Variants in MYT1L observed in about 807,000 individuals in gnomAD.
The protein encoded by MYT1L is myelin transcription factor 1 like, also known as myelin transcription factor 1-like protein.
In MYT1L, 12 loss-of-function variants were observed where a neutral mutation model predicts 126.7. The observed-to-expected ratio is 0.09, with a 90% CI of 0.06 to 0.15. The LOEUF (loss-of-function observed/expected upper bound fraction) is 0.15. Ranked by LOEUF, MYT1L falls within the 10% of genes least tolerant of loss-of-function variation. The pLI, the probability that MYT1L is intolerant of heterozygous loss-of-function variation, is 1.00. For synonymous variants in MYT1L, 541 were observed against 604.2 expected, an observed-to-expected ratio of 0.90 and a Z score of 1.53; for missense variants, 979 against 1,585.2, an observed-to-expected ratio of 0.62 and a Z score of 6.49.
intron 11 of MYT1L, among the ~76,000 whole-genome samples, chr2:1,914,218 C>T (rs535706296): frequency 9.9e-5 from 15 of 152,050 alleles, no homozygotes; most frequent in African/African-American, 3.6e-4. Flanking sequence ...TACGCCATTG[C>T]ACTCCAGCCT....
intron 2 of MYT1L, among the ~76,000 whole-genome samples, chr2:2,213,153 G>A (rs769078349): frequency 1.4e-4 from 21 of 152,112 alleles, no homozygotes; most frequent in Non-Finnish European, 2.9e-4. Flanking sequence ...AATGCAAACG[G>A]ACAAATACAA....
intron 3 of MYT1L, among the ~76,000 whole-genome samples, chr2:2,127,789 C>T (rs1056327156): frequency 2.0e-5 from 3 of 152,120 alleles, no homozygotes; most frequent in African/African-American, 7.2e-5. Flanking sequence ...AAGGCTCCTC[C>T]CAGAATCACA....
intron 2 of MYT1L, among the ~76,000 whole-genome samples, chr2:2,267,843 T>C (rs1331975631): frequency 1.3e-5 from 2 of 151,504 alleles, no homozygotes; most frequent in Non-Finnish European, 2.9e-5. Flanking sequence ...ATGGACACCA[T>C]CCTTAAGGCA....
Position 1,923,112 on chromosome 2 carries a change from G to A in MYT1L, c.657C>T (p.Ala219=), listed in dbSNP as rs370129180. Residue 219 remains alanine, a synonymous_variant, in exon 10 of 25, where the codon GCC becomes GCT. Transcript: ENST00000647738. ...TGCTGTTCATTTCTGACTCAGTCCTGGCCCGGTAGGCTGCATCCTCAGCGA... is the reference window on the plus strand; with the variant it reads ...TGCTGTTCATTTCTGACTCAGTCCTAGCCCGGTAGGCTGCATCCTCAGCGA... The part of the protein sequence containing the change: ...GKIAEDAAYR[A]RTESEMNSNT... 1,420 of 1,613,854 alleles carry A rather than the reference G, an allele frequency of 8.8e-4. 1 individual carries two copies. The highest frequency in any genetic ancestry group is 1.1e-3 in the Non-Finnish European group (1,339 of 1,179,910).
At chr2:2,297,501 C>T (rs1425813061) in intron 1 of MYT1L, among the ~76,000 whole-genome samples, 1 of 152,164 alleles carries the variant, frequency 6.6e-6, no homozygotes, top group Non-Finnish European at 1.5e-5. Flanking sequence ...CAAATACATG[C>T]TTTTCTGCAG....
At chr2:1,803,145 G>A (rs1210636502) in intron 22 of MYT1L, among the ~76,000 whole-genome samples, 2 of 151,654 alleles carry the variant, frequency 1.3e-5, no homozygotes, top group Non-Finnish European at 2.9e-5. Flanking sequence ...GGCTTTTAGT[G>A]AAACGAAAAA....
At chr2:1,866,006 T>C (rs2045410038) in intron 18 of MYT1L, among the ~76,000 whole-genome samples, 1 of 152,160 alleles carries the variant, frequency 6.6e-6, no homozygotes, top group Non-Finnish European at 1.5e-5. Context: ...GCACTGGGTT[T>C]AGCCTCCGAG....
intron 1 of MYT1L, among the ~76,000 whole-genome samples, chr2:2,295,661 GACAGAGAGAGAGAGAGAGACAGAC>G: frequency 6.9e-6 from 1 of 145,876 alleles, no homozygotes. Flanking sequence ...GAGACAGACA[GACAGAGAGAGAGAGAGAGACAGAC>G]AGAGAGAGAG....
chr2:2,318,939 A>G (rs1025761929), intron 1 of MYT1L, among the ~76,000 whole-genome samples: 6 of 152,232 alleles, frequency 3.9e-5, no homozygotes, highest in Admixed American at 3.3e-4. Flanking sequence ...ACAGGGAGTA[A>G]TGGCAAAATT....
At chr2:2,252,764 C>A (rs912570349) in intron 2 of MYT1L, among the ~76,000 whole-genome samples, 2 of 152,150 alleles carry the variant, frequency 1.3e-5, no homozygotes, top group Admixed American at 6.5e-5. Flanking sequence ...TCACCTCCCC[C>A]ACGAAAAGCA....
At chr2:2,216,579 A>G (rs966550609) in intron 2 of MYT1L, among the ~76,000 whole-genome samples, 5 of 152,354 alleles carry the variant, frequency 3.3e-5, no homozygotes, top group South Asian at 2.1e-4. Flanking sequence ...ACAAGTATCA[A>G]TGACTTCAGC....
chr2:2,003,975 A>AGGCGTTCTTTCCTGCATGCG (rs2062711719), intron 4 of MYT1L, among the ~76,000 whole-genome samples: 1 of 132,070 alleles, frequency 7.6e-6, no homozygotes, highest in Non-Finnish European at 1.7e-5. Context: ...TCCTGCAGGC[A>AGGCGTTCTTTCCTGCATGCG]TTCTTTCCTG....
intron 2 of MYT1L, among the ~76,000 whole-genome samples, chr2:2,275,153 G>T (rs2149364038): frequency 6.6e-6 from 1 of 151,276 alleles, no homozygotes; most frequent in East Asian, 1.9e-4. Flanking sequence ...AGGATAAATG[G>T]GTAGACATGT....
rs1475151538 is a variant in MYT1L, at chr2:2,261,149, G to A, written c.-421+23255C>T. Among the ~76,000 whole-genome samples, 3 of 151,108 alleles carry A rather than the reference G, an allele frequency of 2.0e-5. No individual in the cohort carries two copies. The East Asian group carries it at 5.8e-4, about 29-fold the overall frequency. On this transcript the variant is annotated intron_variant, in intron 2 of 24. Transcript: ENST00000647738. Reference sequence around the variant, plus strand: ...TGCATGTGTGTGTGAGTGCGTGTGTGTGTGTGTGTGTGTGTGTGTATGTGT... The same window carrying A: ...TGCATGTGTGTGTGAGTGCGTGTGTATGTGTGTGTGTGTGTGTGTATGTGT...
chr2:1,801,813 T>C lies in MYT1L; in HGVS notation c.3173-14A>G, dbSNP rs1165100288. On this transcript the variant is annotated splice_polypyrimidine_tract_variant and intron_variant, in intron 22 of 24. Transcript: ENST00000647738. This position sits in a 1 kb window ranked among gnomAD's most constrained non-coding sequence, Gnocchi z 4.2. ...CATTTTCTATACCTGTAATAATGAA[T>C]ATTAGTATGTTAAAACTGTTATATA... 4.7e-6 allele frequency: 7 copies of C among 1,491,064 alleles called. No homozygotes were observed. The highest frequency in any genetic ancestry group is 6.5e-6 in the Non-Finnish European group (7 of 1,076,962). The allele number at this position is 1,491,064 out of a possible 1,614,324, so 92.4% of individuals were successfully genotyped here.
intron 2 of MYT1L, among the ~76,000 whole-genome samples, chr2:2,267,116 G>A (rs1167684050): frequency 6.6e-6 from 1 of 152,196 alleles, no homozygotes; most frequent in East Asian, 1.9e-4. Context: ...GTGTGCAGAT[G>A]CTGTAGGGGC....
chr2:2,169,617 C>T (rs1309719130), intron 3 of MYT1L, among the ~76,000 whole-genome samples: 5 of 152,242 alleles, frequency 3.3e-5, no homozygotes, highest in African/African-American at 9.6e-5. Context: ...TTTTATTCTC[C>T]ATGTTTGCTA....
intron 9 of MYT1L, among the ~76,000 whole-genome samples, chr2:1,937,401 G>A (rs12471967): frequency 0.11 from 17,056 of 151,382 alleles, 1,049 homozygotes; most frequent in East Asian, 0.32. Flanking sequence ...ATCGCACAGC[G>A]AGAAAGCCCT....
chr2:1,875,156 G>A (rs1358810529), intron 18 of MYT1L, among the ~76,000 whole-genome samples: 1 of 152,220 alleles, frequency 6.6e-6, no homozygotes, highest in Non-Finnish European at 1.5e-5. Flanking sequence ...AGGCTTCTAT[G>A]TTCCGGCGCA....
Sources: gnomAD v4.1 joint callset for allele counts (sites outside exome capture counted in the v4.1 genomes callset) on GRCh38, gnomAD v4.1.1 for gene constraint, Gnocchi (gnomAD v3.1) non-coding constraint, MANE v1.5 for transcripts, NCBI Gene and HGNC (gene_info 2026-07-23, HGNC 2026-07-21) for gene names.